KLK10: variants seen among roughly 807,000 people sequenced by gnomAD.
KLK10 encodes kallikrein related peptidase 10.
KLK10 carries 27 observed loss-of-function variants against 25.7 expected under a neutral mutation model. The ratio of observed to expected loss-of-function variants is 1.05; its 90% confidence interval spans 0.77 to 1.45. KLK10 has a LOEUF of 1.45. Among genes scored for constraint, KLK10 ranks in the 40% most tolerant of loss-of-function variants. The pLI is 0.00. For missense variants in KLK10, 386 were observed against 370.0 expected, an observed-to-expected ratio of 1.04 and a Z score of -0.35; for synonymous variants, 173 against 160.1, an observed-to-expected ratio of 1.08 and a Z score of -0.61.
chr19:51,016,717 C>T (rs1368402487), intron 3 of KLK10, among the ~76,000 whole-genome samples: 1 of 152,094 alleles, frequency 6.6e-6, no homozygotes, highest in Middle Eastern at 3.4e-3. Context: ...GGATTACAGG[C>T]GTGAGCCACC....
At chr19:51,017,017 T>G in intron 3 of KLK10, 93 bp downstream of exon 3, 2 of 1,258,750 alleles carry the variant, frequency 1.6e-6, no homozygotes, top group South Asian at 3.1e-5. Flanking sequence ...CCTCCAGCTG[T>G]GGGAGTTCCG....
Position 51,014,631 on chromosome 19 carries a change from G to T in KLK10, c.*169C>A, listed in dbSNP as rs1600135881. The T allele has an allele frequency of 1.7e-6, 1 of 574,524 alleles. No individual in the cohort carries two copies. Among genetic ancestry groups the T allele is most frequent in the Non-Finnish European group, 3.1e-6 (1 of 326,516 alleles). The allele number at this position is 574,524 out of a possible 1,614,324, so 35.6% of individuals were successfully genotyped here. A position where few individuals can be genotyped will look rare whatever the true frequency, so the allele number is the denominator to read the frequency against. ...AGAGAATGGGGATAGGTGGGGGAAT[G>T]AGGTGAGAGGGGAGATGTTTAGAGG... On this transcript the variant is annotated 3_prime_UTR_variant, in exon 6 of 6. Transcript: ENST00000358789.
In KLK10 at chr19:51,015,752, A is replaced by C. The variant is rs555236601; in HGVS notation, c.544+130T>G. The C allele has an allele frequency of 1.7e-4, 183 of 1,105,852 alleles. 1 individual carries two copies. The African/African-American group carries it at 2.8e-3, about 17-fold the overall frequency. 68.5% of individuals were successfully genotyped at this position (1,105,852 alleles called of 1,614,324 possible). On this transcript the variant is annotated intron_variant, in intron 4 of 5. Coordinates refer to ENST00000358789, the MANE Select transcript of KLK10 (RefSeq NM_145888.3). ...TCCCCTCAGACTCACAGACCCAGGC[A>C]TCTAGGACCCCAGCCCGTCCTCCCT...
In KLK10 at chr19:51,013,740, A is replaced by G. The variant is rs2091289661; in HGVS notation, c.*1060T>C. 6.5e-6 allele frequency: 1 copy of G among 153,772 alleles called. No individual in the cohort carries two copies. Among genetic ancestry groups the G allele is most frequent in the African/African-American group, 2.4e-5 (1 of 41,448 alleles). 9.5% of individuals were successfully genotyped at this position (153,772 alleles called of 1,614,324 possible). ...ACACCCAGCGGACACTGAAGCTTCT[A>G]TTAGCCTTACCTGGATTCTGTGTAT... On this transcript the variant is annotated 3_prime_UTR_variant, in exon 6 of 6. Coordinates refer to ENST00000358789, the MANE Select transcript of KLK10 (RefSeq NM_145888.3).
Position 51,019,305 on chromosome 19 carries a change from C to A in KLK10, c.-9-166G>T, listed in dbSNP as rs548015218. Among the ~76,000 whole-genome samples, 2 of 152,220 alleles carry A rather than the reference C, an allele frequency of 1.3e-5. No homozygotes were observed. Among genetic ancestry groups the A allele is most frequent in the Admixed American group, 6.5e-5 (1 of 15,290 alleles). On this transcript the variant is annotated intron_variant, in intron 1 of 5. Coordinates refer to ENST00000358789, the MANE Select transcript of KLK10 (RefSeq NM_145888.3). The surrounding 1 kb of genome is among the most constrained non-coding windows in gnomAD (Gnocchi z 4.2). ...AGACGGGAGATTCGGGCTGGAACAG[C>A]GGTAATGGGCACAATTACCCTAATG...
At chr19:51,016,913 G>A (rs992750909) in intron 3 of KLK10, among the ~76,000 whole-genome samples, 197 bp downstream of exon 3, 10 of 152,106 alleles carry the variant, frequency 6.6e-5, no homozygotes, top group African/African-American at 2.4e-4. Flanking sequence ...GAGGAGTGAC[G>A]GGCCCAGAAA....
intron 3 of KLK10, 91 bp from the exon 4 acceptor site, chr19:51,016,247 G>C: frequency 1.4e-6 from 2 of 1,387,258 alleles, no homozygotes; most frequent in Non-Finnish European, 1.9e-6. Context: ...GATAGGAAGA[G>C]TCTGAGGGAA....
Position 51,014,531 on chromosome 19 carries a change from G to A in KLK10, c.*269C>T, listed in dbSNP as rs2091297431. 6.9e-6 allele frequency: 2 copies of A among 290,536 alleles called. No homozygotes were observed. Among genetic ancestry groups the A allele is most frequent in the African/African-American group, 2.2e-5 (1 of 45,726 alleles). 18.0% of individuals were successfully genotyped at this position (290,536 alleles called of 1,614,324 possible). On this transcript the variant is annotated 3_prime_UTR_variant, in exon 6 of 6. Transcript: ENST00000358789. The stretch of plus-strand genomic sequence containing the variant: ...CCCCAGTAACTGCTCTCAGAGGCTG[G>A]GTGATGACCGGCTTCCTGGCTTCTC...
At chr19:51,015,689 C>T (rs1480364195) in intron 4 of KLK10, 139 bp from the exon 5 acceptor site, 1 of 1,145,188 alleles carries the variant, frequency 8.7e-7, no homozygotes, top group Non-Finnish European at 1.2e-6. Context: ...CCAGCCCCTC[C>T]CCACTTAGAC....
chr19:51,015,730 C>T, intron 4 of KLK10, 152 bp downstream of exon 4: 2 of 1,072,098 alleles, frequency 1.9e-6, no homozygotes, highest in Non-Finnish European at 2.6e-6. Context: ...CCCCTCCTCC[C>T]CTCAGACTCA....
chr19:51,019,397 C>T lies in KLK10; in HGVS notation c.-10+230G>A, dbSNP rs1451671458. On this transcript the variant is annotated intron_variant, in intron 1 of 5. Coordinates refer to ENST00000358789, the MANE Select transcript of KLK10 (RefSeq NM_145888.3). This position sits in a 1 kb window ranked among gnomAD's most constrained non-coding sequence, Gnocchi z 4.2. ...GGAGCGCTCTCCGCGCCCCAGCTAC[C>T]CTGGCTGCAGCCACGCCGCGCCCGA... 6.6e-6 allele frequency among the ~76,000 whole-genome samples: 1 copy of T among 152,238 alleles called. No homozygotes were observed. Among genetic ancestry groups the T allele is most frequent in the Non-Finnish European group, 1.5e-5 (1 of 68,048 alleles).
rs2091286505 is a variant in KLK10 at position 51,013,332 on chromosome 19, A to AC, written c.*1467_*1468insG. On this transcript the variant is annotated 3_prime_UTR_variant, in exon 6 of 6. Transcript: ENST00000358789. ...ACTGAAAGGACAAACAAACAAACAA[A>AC]AACCCCGTGCTTAATGGGAAATTTC... The AC allele has an allele frequency of 1.3e-5, 2 of 152,152 alleles. No homozygotes were observed. The highest frequency in any genetic ancestry group is 2.9e-5 in the Non-Finnish European group (2 of 68,052). The allele number at this position is 152,152 out of a possible 1,614,324, so 9.4% of individuals were successfully genotyped here.
rs925886753 is a variant in KLK10, at chr19:51,017,109, C to T, written c.269+1G>A. ...GTCCTCGGGGATGGATCTCCTCCTA[C>T]TTGTTTCCGCAGTGCGCGGCCGTCA... On this transcript the variant is annotated splice_donor_variant, in intron 3 of 5. Coordinates refer to ENST00000358789, the MANE Select transcript of KLK10 (RefSeq NM_145888.3). LOFTEE classifies it high-confidence loss of function. 12 of 1,599,204 alleles carry T rather than the reference C, an allele frequency of 7.5e-6. No homozygotes were observed. Among genetic ancestry groups the T allele is most frequent in the Non-Finnish European group, 1.0e-5 (12 of 1,173,510 alleles).
rs1250454174 is a variant in KLK10, at chr19:51,017,305, G to A, written c.89-15C>T. 1.3e-6 allele frequency: 2 copies of A among 1,591,782 alleles called. No individual in the cohort carries two copies. Among genetic ancestry groups the A allele is most frequent in the African/African-American group, 1.3e-5 (1 of 74,452 alleles). On this transcript the variant is annotated splice_polypyrimidine_tract_variant and intron_variant, in intron 2 of 5. Coordinates refer to ENST00000358789, the MANE Select transcript of KLK10 (RefSeq NM_145888.3). ...CGCCTCTGCGGCTGGAGAAAGAAAG[G>A]GGACGGAATCAAAGCACGGAGGGCA...
rs773377075 is a variant in KLK10 at position 51,015,534 on chromosome 19, G to T, written c.561C>A (p.Gly187=). 36 of 1,613,746 alleles carry T rather than the reference G, an allele frequency of 2.2e-5. No individual in the cohort carries two copies. The highest frequency in any genetic ancestry group is 2.9e-5 in the Non-Finnish European group (34 of 1,179,830). Residue 187 remains glycine, a synonymous_variant, in exon 5 of 6, where the codon GGC becomes GGA. Transcript: ENST00000358789. The part of the protein sequence containing the change: ...TAARRVKYNK[G]LTCSSITILS... ...GGATAGTGATGCTGGAGCAGGTCAG[G>T]CCCTTGTTGTACTTCACTGAAGGGA...
At chr19:51,020,065 T>C (rs2091385450), upstream of KLK10, 2 of 152,114 alleles carry the variant, frequency 1.3e-5, no homozygotes, top group South Asian at 4.2e-4. Flanking sequence ...GGGAAGTGCA[T>C]ACCTAGAGTG....
rs1305848505 is a variant in KLK10, at chr19:51,017,106, C to T, written c.269+4G>A. The T allele has an allele frequency of 3.1e-6, 5 of 1,597,340 alleles. No individual in the cohort carries two copies. In the South Asian group the frequency reaches 5.6e-5, roughly 18 times the overall value. ...GGCGTCCTCGGGGATGGATCTCCTC[C>T]TACTTGTTTCCGCAGTGCGCGGCCG... On this transcript the variant is annotated splice_donor_region_variant and intron_variant, in intron 3 of 5. Transcript: ENST00000358789.
At chr19:51,015,844 T>C in intron 4 of KLK10, 38 bp downstream of exon 4, 2 of 1,467,850 alleles carry the variant, frequency 1.4e-6, no homozygotes, top group Admixed American at 2.4e-5. Context: ...CTCAGCCCCC[T>C]CCTCCTGAGG....
Position 51,013,016 on chromosome 19 carries a change from C to T in KLK10, c.*1784G>A, listed in dbSNP as rs765406880. The T allele has an allele frequency of 5.9e-5, 9 of 152,206 alleles. No individual in the cohort carries two copies. The highest frequency in any genetic ancestry group is 1.0e-4 in the Non-Finnish European group (7 of 68,046). The allele number at this position is 152,206 out of a possible 1,614,324, so 9.4% of individuals were successfully genotyped here. The stretch of plus-strand genomic sequence containing the variant: ...TGGCTCGATAAACATTGTGGAGTGA[C>T]TAAAGGGACGGGTGAGTTGCCTTTA... On this transcript the variant is annotated 3_prime_UTR_variant, in exon 6 of 6. Transcript: ENST00000358789.
Sources: gnomAD v4.1 joint callset for allele counts (sites outside exome capture counted in the v4.1 genomes callset) on GRCh38, gnomAD v4.1.1 for gene constraint, Gnocchi (gnomAD v3.1) non-coding constraint, MANE v1.5 for transcripts, NCBI Gene and HGNC (gene_info 2026-07-23, HGNC 2026-07-21) for gene names.